Variants in AHCYL2 observed in about 807,000 individuals in gnomAD.
AHCYL2 encodes adenosylhomocysteinase like 2, also known as S-adenosylhomocysteine hydrolase-like protein 2.
A neutral mutation model predicts 81.4 loss-of-function variants in AHCYL2; 28 were observed. The observed-to-expected ratio is 0.34, with a 90% CI of 0.25 to 0.47. AHCYL2 has a LOEUF of 0.47. AHCYL2 is among the 20% of genes least tolerant of loss of function. The pLI is 1.00. For missense variants in AHCYL2, 551 were observed against 785.1 expected (o/e 0.70, Z 3.56); for synonymous variants, 272 against 290.2 (o/e 0.94, Z 0.64).
chr7:129,344,970 C>T (rs1419487985), intron 1 of AHCYL2, among the ~76,000 whole-genome samples: 1 of 152,096 alleles, frequency 6.6e-6, no homozygotes, highest in African/African-American at 2.4e-5. Context: ...TCCTGGCTAA[C>T]ATGGTGAAAC....
At position 129,397,392 on chromosome 7, in the gene AHCYL2, A is replaced by G. The variant is rs891756816; in HGVS notation, c.823+68A>G. On this transcript the variant is annotated intron_variant, in intron 5 of 16. Coordinates refer to ENST00000325006, the MANE Select transcript of AHCYL2 (RefSeq NM_015328.4). ...TTGGAGACTTACTTTATGTTTCAGC[A>G]TAAATCTTTAAAGAAGGTTGACAAT... 1.4e-5 allele frequency: 20 copies of G among 1,416,110 alleles called. No homozygotes were observed. In the South Asian group the frequency reaches 1.8e-4, roughly 12 times the overall value. 87.7% of individuals were successfully genotyped at this position (1,416,110 alleles called of 1,614,324 possible).
chr7:129,276,543 G>A (rs749125294), intron 1 of AHCYL2, among the ~76,000 whole-genome samples: 6 of 151,694 alleles, frequency 4.0e-5, no homozygotes, highest in Admixed American at 1.3e-4. Context: ...TTGAGGTCAG[G>A]AGTTCAAGAC....
chr7:129,412,315 G>A (rs1316271006), intron 11 of AHCYL2, among the ~76,000 whole-genome samples: 9 of 132,374 alleles, frequency 6.8e-5, no homozygotes, highest in Non-Finnish European at 1.1e-4. Context: ...TTTTTTTTTC[G>A]AGACACCCAA....
intron 1 of AHCYL2, among the ~76,000 whole-genome samples, chr7:129,331,958 G>A (rs947527455): frequency 1.3e-5 from 2 of 151,864 alleles, no homozygotes; most frequent in African/African-American, 4.8e-5. Flanking sequence ...TGGGCACTGA[G>A]AGAGGTTAAA....
At chr7:129,245,278 G>C (rs184054905) in intron 1 of AHCYL2, among the ~76,000 whole-genome samples, 287 of 152,250 alleles carry the variant, frequency 1.9e-3, no homozygotes, top group African/African-American at 6.5e-3. Context: ...ACCTGCCTCA[G>C]CCTCCCAAAG....
At chr7:129,256,537 C>CCCCCCCT (rs1795428618) in intron 1 of AHCYL2, among the ~76,000 whole-genome samples, 1 of 14,624 alleles carries the variant, frequency 6.8e-5, no homozygotes, top group Non-Finnish European at 4.7e-4. Context: ...TGCTTCCCGC[C>CCCCCCCT]CCCCACCCCC....
chr7:129,327,039 C>T (rs973612643), intron 1 of AHCYL2, among the ~76,000 whole-genome samples: 3 of 152,288 alleles, frequency 2.0e-5, no homozygotes, highest in Admixed American at 1.3e-4. Context: ...TACTATTTCT[C>T]GATCACTTTA....
intron 1 of AHCYL2, among the ~76,000 whole-genome samples, chr7:129,228,566 G>A (rs1020437063): frequency 9.9e-5 from 15 of 152,238 alleles, no homozygotes; most frequent in African/African-American, 3.4e-4. Context: ...TGGGAAATGG[G>A]AAGGTAAGTT....
At chr7:129,423,358 T>C (rs1371052510) in intron 13 of AHCYL2, among the ~76,000 whole-genome samples, 2 of 152,198 alleles carry the variant, frequency 1.3e-5, no homozygotes, top group Non-Finnish European at 1.5e-5. Context: ...TACTGATAGA[T>C]TCCCTGTTTT....
chr7:129,424,398 TAATCAATC>T lies in AHCYL2; in HGVS notation c.1561-450_1561-443del, dbSNP rs143619970. 5.3e-3 allele frequency among the ~76,000 whole-genome samples: 799 copies of T among 151,768 alleles called. 8 individuals are homozygous for T. The highest frequency in any genetic ancestry group is 0.018 in the African/African-American group (757 of 41,340). On this transcript the variant is annotated intron_variant, in intron 13 of 16. Transcript: ENST00000325006. ...CTGGGCAACAGAGGGAGACTCCATC[TAATCAATC>T]AATCAATCAATCAATCAATCAATCA...
chr7:129,368,491 C>T lies in AHCYL2; in HGVS notation c.364-11147C>T, dbSNP rs1421533917. The T allele has an allele frequency of 1.1e-5, 18 of 1,614,010 alleles. No individual in the cohort carries two copies. Among genetic ancestry groups the T allele is most frequent in the Non-Finnish European group, 1.5e-5 (18 of 1,179,878 alleles). Reference sequence around the variant, plus strand: ...TCAGGACATATCTTACCCAAGCCTGCACTATGGAGAAGTGGGACGGTAATG... The same window carrying T: ...TCAGGACATATCTTACCCAAGCCTGTACTATGGAGAAGTGGGACGGTAATG... On this transcript the variant is annotated intron_variant, in intron 1 of 16. Transcript: ENST00000325006. This position sits in a 1 kb window ranked among gnomAD's most constrained non-coding sequence, Gnocchi z 4.4.
In AHCYL2 at chr7:129,379,766, T is replaced by G; in HGVS notation, c.475+17T>G. The G allele has an allele frequency of 6.3e-7, 1 of 1,597,422 alleles. No homozygotes were observed. The highest frequency in any genetic ancestry group is 8.6e-7 in the Non-Finnish European group (1 of 1,167,896). ...ACAGCTCAGGTGAGTACTGAACTGCTGTGGACCCAGCTGTTGAGGCTAATA... is the reference window on the plus strand; with the variant it reads ...ACAGCTCAGGTGAGTACTGAACTGCGGTGGACCCAGCTGTTGAGGCTAATA... On this transcript the variant is annotated intron_variant, in intron 2 of 16. Coordinates refer to ENST00000325006, the MANE Select transcript of AHCYL2 (RefSeq NM_015328.4).
At chr7:129,330,900 A>C (rs140862687) in intron 1 of AHCYL2, among the ~76,000 whole-genome samples, 2 of 152,230 alleles carry the variant, frequency 1.3e-5, no homozygotes, top group Non-Finnish European at 2.9e-5. Flanking sequence ...TGAACTTCAA[A>C]TCGTTAGTCA....
At chr7:129,346,329 G>A (rs1793360101) in intron 1 of AHCYL2, among the ~76,000 whole-genome samples, 1 of 151,994 alleles carries the variant, frequency 6.6e-6, no homozygotes, top group Non-Finnish European at 1.5e-5. Context: ...TAAAAACAGT[G>A]GTATCAAAAG....
At chr7:129,290,854 C>T (rs1468195522) in intron 1 of AHCYL2, among the ~76,000 whole-genome samples, 5 of 150,912 alleles carry the variant, frequency 3.3e-5, no homozygotes, top group Non-Finnish European at 7.4e-5. Flanking sequence ...CGCTTGAACC[C>T]GGGAGGTGGA....
At position 129,325,353 on chromosome 7, in the gene AHCYL2, A is replaced by T. The variant is rs1001062344; in HGVS notation, c.364-54285A>T. 2.6e-5 allele frequency among the ~76,000 whole-genome samples: 4 copies of T among 152,014 alleles called. No homozygotes were observed. In the South Asian group the frequency reaches 6.2e-4, roughly 24 times the overall value. On this transcript the variant is annotated intron_variant, in intron 1 of 16. Transcript: ENST00000325006. ...GTTTTTAAAGATGTTTCATTGCTTT[A>T]TTGTCACTTGCATGGTTTCCTATGA...
chr7:129,295,723 G>C (rs772708562), intron 1 of AHCYL2, among the ~76,000 whole-genome samples: 13 of 152,194 alleles, frequency 8.5e-5, no homozygotes, highest in Non-Finnish European at 1.9e-4. Context: ...AATGGCCAGA[G>C]AAACTACTTA....
At chr7:129,373,585 C>A (rs1215444685) in intron 1 of AHCYL2, among the ~76,000 whole-genome samples, 1 of 151,500 alleles carries the variant, frequency 6.6e-6, no homozygotes, top group Non-Finnish European at 1.5e-5. Flanking sequence ...GGGTGACAGA[C>A]CAAGACTCAG....
Position 129,300,396 on chromosome 7 carries a change from T to A in AHCYL2, c.363+74957T>A, listed in dbSNP as rs563571347. On this transcript the variant is annotated intron_variant, in intron 1 of 16. Coordinates refer to ENST00000325006, the MANE Select transcript of AHCYL2 (RefSeq NM_015328.4). ...CAGAAATAGGTGAGAATATGCAAAG[T>A]TTGTCTTTCTGTGCCTGGCTTATTT... is the stretch of plus-strand genomic sequence containing the variant. Among the ~76,000 whole-genome samples the A allele has an allele frequency of 1.4e-3, 213 of 152,250 alleles. 1 individual carries two copies. Among genetic ancestry groups the A allele is most frequent in the Non-Finnish European group, 2.0e-3 (134 of 68,010 alleles).
Sources: allele counts gnomAD v4.1 joint callset (sites outside exome capture counted in the v4.1 genomes callset), GRCh38; gene constraint gnomAD v4.1.1; non-coding constraint Gnocchi (gnomAD v3.1); transcripts MANE v1.5; gene names NCBI Gene and HGNC (gene_info 2026-07-23, HGNC 2026-07-21).